The following WNK4 variants were observed in gnomAD, a reference collection of about 807,000 sequenced individuals.
WNK4 encodes the protein WNK lysine deficient protein kinase 4, also known as serine/threonine-protein kinase WNK4.
WNK4 carries 94 observed loss-of-function variants against 116.2 expected under a neutral mutation model. The observed-to-expected ratio is 0.81, with a 90% CI of 0.68 to 0.96. WNK4 has a LOEUF of 0.96. Among genes scored for constraint, WNK4 ranks in the 40% least tolerant of loss-of-function variants. WNK4 has a pLI of 0.00. For missense variants in WNK4, 1,542 were observed against 1,650.6 expected (o/e 0.93, Z 1.14); for synonymous variants, 655 against 672.7 (o/e 0.97, Z 0.41).
intron 1 of WNK4, 36 bp downstream of exon 1, chr17:42,781,352 T>C: frequency 6.2e-7 from 1 of 1,613,526 alleles, no homozygotes; most frequent in Non-Finnish European, 8.5e-7. Context: ...CACCTTGGGA[T>C]GGGACTCTGG....
rs746741261 is a variant in WNK4, at chr17:42,787,344, G to A, written c.1543G>A (p.Ala515Thr). 1.1e-5 allele frequency: 17 copies of A among 1,614,020 alleles called. No individual in the cohort carries two copies. In the Admixed American group the frequency reaches 2.7e-4, roughly 25 times the overall value. ...PVARAVRERV[A>T]AIQRKREKLR... ...GGCCCGTGCAGTACGTGAACGGGTTGCTGCCATCCAGCGAAAGCGTGAGAA... is the reference window on the plus strand; with the variant it reads ...GGCCCGTGCAGTACGTGAACGGGTTACTGCCATCCAGCGAAAGCGTGAGAA... Residue 515 changes from alanine to threonine, a missense_variant, in exon 7 of 19, where the codon GCT (alanine) becomes ACT (threonine). Transcript: ENST00000246914.
rs147522675 is a variant in WNK4 at position 42,784,511 on chromosome 17, A to G, written c.1102A>G (p.Met368Val). The change falls in exon 4 of 19, where the codon ATG (methionine) becomes GTG (valine). Residue 368 changes from methionine (M) to valine (V), a missense_variant. Around this residue, in one of 7 missense-constraint regions of WNK4, gnomAD observed 808 missense variants for 873.6 expected, o/e 0.92. Coordinates refer to ENST00000246914, the MANE Select transcript of WNK4 (RefSeq NM_032387.5). The surrounding 1 kb of genome is among the most constrained non-coding windows in gnomAD (Gnocchi z 4.4). ...CGCGTTCGGCATGTGCATGCTGGAG[A>G]TGGCCACCTCTGAGTACCCGTACTC... ...VYAFGMCMLE[M>V]ATSEYPYSEC... 12 of 1,613,830 alleles carry G rather than the reference A, an allele frequency of 7.4e-6. No homozygotes were observed. Among genetic ancestry groups the G allele is most frequent in the Non-Finnish European group, 1.0e-5 (12 of 1,179,970 alleles).
Position 42,782,733 on chromosome 17 carries a change from A to G in WNK4, c.619-25A>G, listed in dbSNP as rs2054498520. On this transcript the variant is annotated intron_variant, in intron 1 of 18. Coordinates refer to ENST00000246914, the MANE Select transcript of WNK4 (RefSeq NM_032387.5). This position sits in a 1 kb window ranked among gnomAD's most constrained non-coding sequence, Gnocchi z 4.2. ...TTTCTGTGGGTGTCCTGGGCCTGAC[A>G]TGACACCCGTCCCCCATCCCACAGA... is the stretch of plus-strand genomic sequence containing the variant. The G allele has an allele frequency of 6.2e-7, 1 of 1,613,626 alleles. No homozygotes were observed. The highest frequency in any genetic ancestry group is 8.5e-7 in the Non-Finnish European group (1 of 1,179,940).
chr17:42,782,480 G>A lies in WNK4; in HGVS notation c.619-278G>A, dbSNP rs2054495241. Among the ~76,000 whole-genome samples the A allele has an allele frequency of 6.6e-6, 1 of 152,232 alleles. No homozygotes were observed. Among genetic ancestry groups the A allele is most frequent in the Non-Finnish European group, 1.5e-5 (1 of 68,046 alleles). The stretch of plus-strand genomic sequence containing the variant: ...TGGGCAGCCACAAAGGCACTATTGA[G>A]CTCAGGGCTCTGGGACCGGGCTGCA... On this transcript the variant is annotated intron_variant, in intron 1 of 18. Transcript: ENST00000246914. The surrounding 1 kb of genome is among the most constrained non-coding windows in gnomAD (Gnocchi z 4.2).
At chr17:42,788,841 A>G in intron 11 of WNK4, 44 bp downstream of exon 11, 1 of 1,519,936 alleles carries the variant, frequency 6.6e-7, no homozygotes, top group Non-Finnish European at 9.1e-7. Flanking sequence ...GATCTGGAAC[A>G]AGAGTCTCCT....
chr17:42,794,516 A>G, intron 12 of WNK4, 98 bp from the exon 13 acceptor site: 3 of 1,315,024 alleles, frequency 2.3e-6, no homozygotes, highest in South Asian at 2.5e-5. Flanking sequence ...ACAGACTCCT[A>G]TAGGTTCATG....
rs2054516486 is a variant in WNK4 at position 42,784,197 on chromosome 17, C to T, written c.1012+40C>T. On this transcript the variant is annotated intron_variant, in intron 3 of 18. Transcript: ENST00000246914. The surrounding 1 kb of genome is among the most constrained non-coding windows in gnomAD (Gnocchi z 4.4). The stretch of plus-strand genomic sequence containing the variant: ...GAGGGTCCATGCCATTCCTTCCTCC[C>T]CCACCTCAGAAGAGAACCTGGGGAC... 6.2e-7 allele frequency: 1 copy of T among 1,601,278 alleles called. No homozygotes were observed. Among genetic ancestry groups the T allele is most frequent in the Non-Finnish European group, 8.5e-7 (1 of 1,178,208 alleles).
Position 42,784,235 on chromosome 17 carries a change from G to A in WNK4, c.1012+78G>A, listed in dbSNP as rs1252063715. 6.3e-7 allele frequency: 1 copy of A among 1,583,996 alleles called. No homozygotes were observed. The highest frequency in any genetic ancestry group is 8.6e-7 in the Non-Finnish European group (1 of 1,161,746). ...AGAACCTGGGGACTCCCTCCCCTCAGCAAGGGCCTTCAAGGTCCACAAAAC... is the reference window on the plus strand; with the variant it reads ...AGAACCTGGGGACTCCCTCCCCTCAACAAGGGCCTTCAAGGTCCACAAAAC... On this transcript the variant is annotated intron_variant, in intron 3 of 18. Coordinates refer to ENST00000246914, the MANE Select transcript of WNK4 (RefSeq NM_032387.5). The surrounding 1 kb of genome is among the most constrained non-coding windows in gnomAD (Gnocchi z 4.4).
chr17:42,784,989 C>A lies in WNK4; in HGVS notation c.1171-108C>A. On this transcript the variant is annotated intron_variant, in intron 4 of 18. Transcript: ENST00000246914. This position sits in a 1 kb window ranked among gnomAD's most constrained non-coding sequence, Gnocchi z 4.4. ...TCCAGTAGCAGTCAGGCTTTTGCAACTGCACGCGCAGCTGCCTAAGGAGGG... is the reference window on the plus strand; with the variant it reads ...TCCAGTAGCAGTCAGGCTTTTGCAAATGCACGCGCAGCTGCCTAAGGAGGG... The A allele has an allele frequency of 1.7e-6, 2 of 1,146,604 alleles. No individual in the cohort carries two copies. The highest frequency in any genetic ancestry group is 2.5e-6 in the Non-Finnish European group (2 of 787,124). 71.0% of individuals were successfully genotyped at this position (1,146,604 alleles called of 1,614,324 possible). A position where few individuals can be genotyped will look rare whatever the true frequency, so the allele number is the denominator to read the frequency against.
At chr17:42,793,248 T>G (rs1264260606) in intron 11 of WNK4, among the ~76,000 whole-genome samples, 1 of 152,212 alleles carries the variant, frequency 6.6e-6, no homozygotes. Context: ...AGACGGAGTC[T>G]CGCTCAGTCG....
At position 42,782,397 on chromosome 17, in the gene WNK4, C is replaced by T. The variant is rs940686305; in HGVS notation, c.619-361C>T. Among the ~76,000 whole-genome samples, 2 of 152,378 alleles carry T rather than the reference C, an allele frequency of 1.3e-5. No individual in the cohort carries two copies. Among genetic ancestry groups the T allele is most frequent in the Non-Finnish European group, 2.9e-5 (2 of 68,040 alleles). On this transcript the variant is annotated intron_variant, in intron 1 of 18. Coordinates refer to ENST00000246914, the MANE Select transcript of WNK4 (RefSeq NM_032387.5). The surrounding 1 kb of genome is among the most constrained non-coding windows in gnomAD (Gnocchi z 4.2). ...TCCCTGCCCGCAGTATCCTGCTGCC[C>T]GCCTGCTGCCTGCTCACTGCCAGCC...
At position 42,784,496 on chromosome 17, in the gene WNK4, A is replaced by C. The variant is rs2054520513; in HGVS notation, c.1087A>C (p.Met363Leu). Reference sequence around the variant, plus strand: ...GGCCGTGGACGTGTACGCGTTCGGCATGTGCATGCTGGAGATGGCCACCTC... The same window carrying C: ...GGCCGTGGACGTGTACGCGTTCGGCCTGTGCATGCTGGAGATGGCCACCTC... ...DEAVDVYAFGMCMLEMATSEY... is the reference protein window; with the variant it reads ...DEAVDVYAFGLCMLEMATSEY... The change falls in exon 4 of 19, where the codon ATG becomes CTG. Residue 363 changes from methionine to leucine, a missense_variant. Met to Leu is a conservative substitution (Grantham distance 15). This residue lies in a region of WNK4 where 808 missense variants were observed against 873.6 expected (regional missense o/e 0.92). Coordinates refer to ENST00000246914, the MANE Select transcript of WNK4 (RefSeq NM_032387.5). This position sits in a 1 kb window ranked among gnomAD's most constrained non-coding sequence, Gnocchi z 4.4. 2 of 1,613,798 alleles carry C rather than the reference A, an allele frequency of 1.2e-6. No individual in the cohort carries two copies. The highest frequency in any genetic ancestry group is 1.3e-5 in the African/African-American group (1 of 74,854).
In WNK4 at chr17:42,781,196, A is replaced by G; in HGVS notation, c.498A>G (p.Ala166=). 1 of 1,614,172 alleles carries G rather than the reference A, an allele frequency of 6.2e-7. No homozygotes were observed. The highest frequency in any genetic ancestry group is 8.5e-7 in the Non-Finnish European group (1 of 1,180,030). ...AGGACATGGAGACCCAGGCTGTGGC[A>G]ACGTCCCCCGATGGCCGATACCTCA... ...EKEDMETQAV[A]TSPDGRYLKF... is the part of the protein sequence containing the mutation. The change falls in exon 1 of 19, where the codon GCA becomes GCG. Residue 166 remains alanine (A), a synonymous_variant. Transcript: ENST00000246914.
Position 42,785,124 on chromosome 17 carries a change from G to A in WNK4, c.1198G>A (p.Val400Met). 3 of 1,613,854 alleles carry A rather than the reference G, an allele frequency of 1.9e-6. No individual in the cohort carries two copies. The highest frequency in any genetic ancestry group is 2.5e-6 in the Non-Finnish European group (3 of 1,179,942). Residue 400 changes from valine to methionine, a missense_variant, in exon 5 of 19, where the codon GTG becomes ATG. By Grantham distance (21) the Val-to-Met change is conservative. This residue lies in a region of WNK4 where 808 missense variants were observed against 873.6 expected (regional missense o/e 0.92). Coordinates refer to ENST00000246914, the MANE Select transcript of WNK4 (RefSeq NM_032387.5). ...CAGAAAGCCGAACAGCTTCCACAAG[G>A]TGAAGATACCCGAGGTGAAGGAGAT... ...SGRKPNSFHK[V>M]KIPEVKEIIE...
At position 42,787,822 on chromosome 17, in the gene WNK4, G is replaced by A; in HGVS notation, c.1786G>A (p.Asp596Asn). 1 of 1,612,476 alleles carries A rather than the reference G, an allele frequency of 6.2e-7. No homozygotes were observed. Among genetic ancestry groups the A allele is most frequent in the Non-Finnish European group, 8.5e-7 (1 of 1,180,008 alleles). ...CTACCTCAGCTCCTCCGGCTTCCTGGATGCCTCAGACCCTGCCCTTCAGCC... is the reference window on the plus strand; with the variant it reads ...CTACCTCAGCTCCTCCGGCTTCCTGAATGCCTCAGACCCTGCCCTTCAGCC... Reference protein sequence around the residue: ...DGYLSSSGFLDASDPALQPPG... With the variant: ...DGYLSSSGFLNASDPALQPPG... The change falls in exon 8 of 19, where the codon GAT (aspartate) becomes AAT (asparagine). Residue 596 changes from aspartate to asparagine, a missense_variant. Physicochemically the swap from Asp to Asn is conservative, Grantham distance 23. Around this residue, in one of 7 missense-constraint regions of WNK4, gnomAD observed 808 missense variants for 873.6 expected, o/e 0.92. Coordinates refer to ENST00000246914, the MANE Select transcript of WNK4 (RefSeq NM_032387.5).
chr17:42,788,181 G>T lies in WNK4; in HGVS notation c.1915G>T (p.Gly639Trp), dbSNP rs61755602. 10 of 1,613,982 alleles carry T rather than the reference G, an allele frequency of 6.2e-6. No individual in the cohort carries two copies. Among genetic ancestry groups the T allele is most frequent in the Admixed American group, 1.7e-5 (1 of 60,004 alleles). ...TGGCCCTGGAAGTGACTTTTCCCCC[G>T]GGGACAGGTATGTTCTGGTACAAGT... Reference protein sequence around the residue: ...RSGPGSDFSPGDSYASDAASG... With the variant: ...RSGPGSDFSPWDSYASDAASG... Residue 639 changes from glycine to tryptophan, a missense_variant, in exon 9 of 19, where the codon GGG (glycine) becomes TGG (tryptophan). Transcript: ENST00000246914.
At position 42,787,374 on chromosome 17, in the gene WNK4, C is replaced by G. The variant is rs145020225; in HGVS notation, c.1573C>G (p.Arg525Gly). 66 of 1,614,036 alleles carry G rather than the reference C, an allele frequency of 4.1e-5. 1 individual carries two copies. In the South Asian group the frequency reaches 7.0e-4, roughly 17 times the overall value. Residue 525 changes from arginine (R) to glycine (G), a missense_variant, in exon 7 of 19, where the codon CGT becomes GGT. Physicochemically the swap from Arg to Gly is moderately radical, Grantham distance 125. Coordinates refer to ENST00000246914, the MANE Select transcript of WNK4 (RefSeq NM_032387.5). ...CATCCAGCGAAAGCGTGAGAAGCTGCGTAAAGCAAGGGAATTGGAGGCACT... is the reference window on the plus strand; with the variant it reads ...CATCCAGCGAAAGCGTGAGAAGCTGGGTAAAGCAAGGGAATTGGAGGCACT... ...AAIQRKREKL[R>G]KARELEALPP...
At position 42,784,701 on chromosome 17, in the gene WNK4, T is replaced by G. The variant is rs1406824109; in HGVS notation, c.1170+122T>G. On this transcript the variant is annotated intron_variant, in intron 4 of 18. Transcript: ENST00000246914. This position sits in a 1 kb window ranked among gnomAD's most constrained non-coding sequence, Gnocchi z 4.4. Reference sequence around the variant, plus strand: ...AAACAGGCTAGACACAGAGTCGCCTTGGTGAACACAGAAGGATATTGAGTG... The same window carrying G: ...AAACAGGCTAGACACAGAGTCGCCTGGGTGAACACAGAAGGATATTGAGTG... The G allele has an allele frequency of 2.3e-6, 3 of 1,299,810 alleles. No individual in the cohort carries two copies. In the African/African-American group the frequency reaches 4.4e-5, roughly 19 times the overall value. 80.5% of individuals were successfully genotyped at this position (1,299,810 alleles called of 1,614,324 possible). A position where few individuals can be genotyped will look rare whatever the true frequency, so the allele number is the denominator to read the frequency against.
At chr17:42,790,833 A>G (rs1345108797) in intron 11 of WNK4, among the ~76,000 whole-genome samples, 4 of 151,944 alleles carry the variant, frequency 2.6e-5, no homozygotes, top group Admixed American at 2.0e-4. Context: ...AGGGAAAGGA[A>G]TGGGAGAAAC....
Sources: allele counts gnomAD v4.1 joint callset (sites outside exome capture counted in the v4.1 genomes callset), GRCh38; gene constraint gnomAD v4.1.1; regional missense constraint gnomAD v4.1.1; non-coding constraint Gnocchi (gnomAD v3.1); transcripts MANE v1.5; gene names NCBI Gene and HGNC (gene_info 2026-07-23, HGNC 2026-07-21).